ADGRL3: variants seen among roughly 807,000 people sequenced by gnomAD.
The protein encoded by ADGRL3 is adhesion G protein-coupled receptor L3.
ADGRL3 carries 62 observed loss-of-function variants against 153.5 expected under a neutral mutation model. The ratio of observed to expected loss-of-function variants is 0.40; its 90% CI spans 0.33 to 0.50. The LOEUF is 0.50. ADGRL3 is among the 20% of genes least tolerant of loss of function. The probability of loss-of-function intolerance (pLI) is 0.47; values close to 1 mark genes in which losing one functional copy is unlikely to be tolerated. For synonymous variants in ADGRL3, 710 were observed against 672.5 expected, an observed-to-expected ratio of 1.06 and a Z score of -0.86; for missense variants, 1,641 against 1,859.4, an observed-to-expected ratio of 0.88 and a Z score of 2.16.
chr4:61,577,504 A>G (rs1579635198), intron 4 of ADGRL3, among the ~76,000 whole-genome samples: 1 of 151,990 alleles, frequency 6.6e-6, no homozygotes, highest in Admixed American at 6.6e-5. Context: ...ATTGATGTTT[A>G]TATACTGCTA....
At chr4:61,750,151 C>G (rs1032812907) in intron 8 of ADGRL3, among the ~76,000 whole-genome samples, 1 of 31,446 alleles carries the variant, frequency 3.2e-5, no homozygotes, top group Admixed American at 4.1e-4. Context: ...CTATTGAAAA[C>G]AAATTGAGAA....
intron 5 of ADGRL3, among the ~76,000 whole-genome samples, chr4:61,627,446 C>CTATGTTT (rs2092902422): frequency 6.6e-6 from 1 of 152,014 alleles, no homozygotes; most frequent in African/African-American, 2.4e-5. Flanking sequence ...CATGGTGAAA[C>CTATGTTT]CCCCTCTCTA....
intron 24 of ADGRL3, among the ~76,000 whole-genome samples, chr4:62,043,001 G>A (rs1201510657): frequency 6.6e-6 from 1 of 151,970 alleles, no homozygotes; most frequent in African/African-American, 2.4e-5. Flanking sequence ...ACTCTTTTAT[G>A]TTTTCCTTTG....
chr4:61,888,538 T>C (rs2098552091), intron 9 of ADGRL3, among the ~76,000 whole-genome samples: 1 of 152,254 alleles, frequency 6.6e-6, no homozygotes, highest in Admixed American at 6.5e-5. Context: ...CACTAGTACC[T>C]ATTCTGCCAA....
chr4:61,844,166 A>G (rs570481236), intron 9 of ADGRL3, among the ~76,000 whole-genome samples: 1 of 151,982 alleles, frequency 6.6e-6, no homozygotes, highest in South Asian at 2.1e-4. Flanking sequence ...TTTTCTTTCT[A>G]TACTGGTCTT....
chr4:61,527,815 G>A (rs1239059337), intron 4 of ADGRL3, among the ~76,000 whole-genome samples: 1 of 152,130 alleles, frequency 6.6e-6, no homozygotes, highest in Non-Finnish European at 1.5e-5. Context: ...GAGACAATAA[G>A]GTAAGAGCTT....
intron 9 of ADGRL3, among the ~76,000 whole-genome samples, chr4:61,857,388 A>G (rs1440087161): frequency 6.6e-6 from 1 of 152,120 alleles, no homozygotes; most frequent in Non-Finnish European, 1.5e-5. Context: ...TCATTCTAAC[A>G]GCTTTTTATC....
intron 8 of ADGRL3, among the ~76,000 whole-genome samples, chr4:61,778,993 G>A (rs907080082): frequency 6.6e-6 from 1 of 151,954 alleles, no homozygotes; most frequent in Non-Finnish European, 1.5e-5. Context: ...AGGAAGCAGA[G>A]GTTGCAGTGA....
chr4:61,286,935 T>G (rs1505683), intron 1 of ADGRL3, among the ~76,000 whole-genome samples: 2 of 151,598 alleles, frequency 1.3e-5, no homozygotes, highest in African/African-American at 4.8e-5. Context: ...AATTTTTGGT[T>G]ATCAGGATAT....
At position 61,574,844 on chromosome 4, in the gene ADGRL3, T is replaced by C. The variant is rs1237559123; in HGVS notation, c.260-12383T>C. 3.3e-5 allele frequency among the ~76,000 whole-genome samples: 5 copies of C among 151,878 alleles called. No homozygotes were observed. In the East Asian group the frequency reaches 9.7e-4, roughly 29 times the overall value. ...GATTTACTGTTTTTGCTCATGTAAA[T>C]ATTTTAGAAATAGAGAAATTGGCTA... On this transcript the variant is annotated intron_variant, in intron 4 of 26. Coordinates refer to ENST00000683033, the MANE Select transcript of ADGRL3 (RefSeq NM_001387552.1).
At chr4:61,640,856 T>C (rs1169378934) in intron 5 of ADGRL3, among the ~76,000 whole-genome samples, 1 of 152,202 alleles carries the variant, frequency 6.6e-6, no homozygotes, top group African/African-American at 2.4e-5. Flanking sequence ...AAGTTTATTG[T>C]CCTTTGTGAA....
At chr4:61,676,997 A>G in intron 6 of ADGRL3, 62 bp downstream of exon 6, 1 of 991,096 alleles carries the variant, frequency 1.0e-6, no homozygotes, top group Admixed American at 2.0e-5. Flanking sequence ...TTTTGCATGC[A>G]TTGACAAATA....
At chr4:61,555,728 G>A (rs1012721129) in intron 4 of ADGRL3, among the ~76,000 whole-genome samples, 1 of 152,222 alleles carries the variant, frequency 6.6e-6, no homozygotes, top group Admixed American at 6.5e-5. Flanking sequence ...CAGCCCTGAA[G>A]GCTGTTGGTT....
chr4:62,050,054 C>A (rs930545068), intron 25 of ADGRL3, among the ~76,000 whole-genome samples: 3 of 151,844 alleles, frequency 2.0e-5, no homozygotes, highest in African/African-American at 2.4e-5. Flanking sequence ...CATTCACTAC[C>A]GAAGTTTTGT....
intron 8 of ADGRL3, among the ~76,000 whole-genome samples, chr4:61,769,760 G>A (rs1033905902): frequency 6.6e-6 from 1 of 151,388 alleles, no homozygotes. Context: ...AAGGTGCTCA[G>A]TGGGCAGGAG....
chr4:61,834,574 A>G (rs183107715), intron 9 of ADGRL3, among the ~76,000 whole-genome samples: 1 of 152,234 alleles, frequency 6.6e-6, no homozygotes, highest in East Asian at 1.9e-4. Context: ...AAACTTGTTA[A>G]TCTTAAGGTG....
chr4:61,289,152 A>G lies in ADGRL3; in HGVS notation c.-240+87387A>G, dbSNP rs990687817. ...CTTATCATATTTTCTTTCATTTCCT[A>G]TTCCCACACTTTTCTTCTTTCATAA... On this transcript the variant is annotated intron_variant, in intron 1 of 26. Coordinates refer to ENST00000683033, the MANE Select transcript of ADGRL3 (RefSeq NM_001387552.1). 2.0e-5 allele frequency among the ~76,000 whole-genome samples: 3 copies of G among 151,822 alleles called. No individual in the cohort carries two copies. In the South Asian group the frequency reaches 6.2e-4, roughly 32 times the overall value.
chr4:62,042,832 C>A (rs911605164), intron 24 of ADGRL3, among the ~76,000 whole-genome samples: 3 of 151,816 alleles, frequency 2.0e-5, no homozygotes, highest in Non-Finnish European at 2.9e-5. Context: ...TAATTATTAC[C>A]ACTTCCCAGG....
At chr4:61,503,264 T>C (rs2098404467) in intron 3 of ADGRL3, among the ~76,000 whole-genome samples, 5 of 152,128 alleles carry the variant, frequency 3.3e-5, no homozygotes, top group Admixed American at 3.3e-4. Flanking sequence ...TGAATTTAAT[T>C]GTAGTAATAA....
Sources: allele counts gnomAD v4.1 joint callset (sites outside exome capture counted in the v4.1 genomes callset), GRCh38; gene constraint gnomAD v4.1.1; transcripts MANE v1.5; gene names NCBI Gene and HGNC (gene_info 2026-07-23, HGNC 2026-07-21).